Variants in PADI3 observed in about 807,000 individuals in gnomAD.
The protein encoded by PADI3 is peptidyl arginine deiminase 3, also known as protein-arginine deiminase type-3.
PADI3 carries 53 observed loss-of-function variants against 71.5 expected under a neutral mutation model. The observed-to-expected ratio is 0.74, with a 90% CI of 0.59 to 0.93. The LOEUF (loss-of-function observed/expected upper bound fraction) is 0.93, where lower values mean the gene tolerates loss of function less well. Among genes scored for constraint, PADI3 ranks in the 40% least tolerant of loss-of-function variants. The pLI is 0.00. For synonymous variants in PADI3, 361 were observed against 347.5 expected (o/e 1.04, Z -0.43); for missense variants, 821 against 868.0 (o/e 0.95, Z 0.68).
At chr1:17,282,579 A>G (rs1363658777) in intron 15 of PADI3, among the ~76,000 whole-genome samples, 1 of 152,192 alleles carries the variant, frequency 6.6e-6, no homozygotes, top group African/African-American at 2.4e-5. Context: ...CAGCACAAAC[A>G]TGGCAGCTGC....
At chr1:17,270,125 G>A in intron 6 of PADI3, 108 bp from the exon 7 acceptor site, 1 of 1,300,090 alleles carries the variant, frequency 7.7e-7, no homozygotes. Flanking sequence ...GGGAGTTGTT[G>A]GAGGACTTGG....
At chr1:17,266,889 C>A (rs958673702) in intron 5 of PADI3, 53 bp downstream of exon 5, 15 of 1,378,054 alleles carry the variant, frequency 1.1e-5, no homozygotes, top group Admixed American at 1.7e-5. Context: ...TGCTCAGTTA[C>A]CCCATGGGAG....
rs539218252 is a variant in PADI3, at chr1:17,259,485, C to T, written c.93-93C>T. On this transcript the variant is annotated intron_variant, in intron 1 of 15. Transcript: ENST00000375460. The stretch of plus-strand genomic sequence containing the variant: ...GAGGGGACTGGGTGGCCAAGGAAAG[C>T]TTCCTGGAGGAAGCAGGGCTTGAGC... 2.4e-5 allele frequency: 30 copies of T among 1,254,990 alleles called. 1 individual carries two copies. In the South Asian group the frequency reaches 4.0e-4, roughly 17 times the overall value. The allele number at this position is 1,254,990 out of a possible 1,614,324, so 77.7% of individuals were successfully genotyped here. A position where few individuals can be genotyped will look rare whatever the true frequency, so the allele number is the denominator to read the frequency against.
At position 17,280,815 on chromosome 1, in the gene PADI3, A is replaced by C. The variant is rs769557315; in HGVS notation, c.1761+19A>C. The C allele has an allele frequency of 6.2e-7, 1 of 1,612,248 alleles. No homozygotes were observed. The highest frequency in any genetic ancestry group is 8.5e-7 in the Non-Finnish European group (1 of 1,178,720). On this transcript the variant is annotated intron_variant, in intron 15 of 15. Coordinates refer to ENST00000375460, the MANE Select transcript of PADI3 (RefSeq NM_016233.2). ...TGACTTGGTGAGGGCACTACCCATG[A>C]CTCCTTTGCCAAATCAGGCTGCAAA...
At chr1:17,265,829 T>C (rs2272627) in intron 4 of PADI3, 109 bp downstream of exon 4, 154,249 of 958,672 alleles carry the variant, frequency 0.16, 13,275 homozygotes, top group African/African-American at 0.21. Context: ...TCCCAGCTGA[T>C]GCCGAGACCA....
intron 13 of PADI3, among the ~76,000 whole-genome samples, chr1:17,277,723 A>C (rs966444748): frequency 6.6e-6 from 1 of 152,314 alleles, no homozygotes; most frequent in Non-Finnish European, 1.5e-5. Context: ...GAGCCTGGGC[A>C]TGGGGAGGGC....
intron 13 of PADI3, among the ~76,000 whole-genome samples, chr1:17,277,479 G>A (rs2073350036): frequency 6.6e-6 from 1 of 152,240 alleles, no homozygotes; most frequent in African/African-American, 2.4e-5. Context: ...ACAGGCGTGA[G>A]CCACCACACC....
chr1:17,256,717 T>C (rs2073032471), intron 1 of PADI3, among the ~76,000 whole-genome samples: 2 of 152,216 alleles, frequency 1.3e-5, no homozygotes, highest in South Asian at 4.1e-4. Context: ...GGAACAGCTT[T>C]GGGGTTGAGG....
chr1:17,270,800 C>A, intron 7 of PADI3, 79 bp from the exon 8 acceptor site: 1 of 1,016,694 alleles, frequency 9.8e-7, no homozygotes, highest in South Asian at 1.3e-5. Context: ...TCTTATGGAC[C>A]ACAGTGGTGG....
At chr1:17,274,856 G>A in intron 11 of PADI3, 70 bp downstream of exon 11, 3 of 1,486,488 alleles carry the variant, frequency 2.0e-6, no homozygotes, top group Non-Finnish European at 2.8e-6. Context: ...TGATGGTGGA[G>A]CAGGGGCCAT....
rs368361494 is a variant in PADI3 at position 17,280,843 on chromosome 1, T to C, written c.1761+47T>C. 1.7e-5 allele frequency: 27 copies of C among 1,604,710 alleles called. 1 individual carries two copies. The South Asian group carries it at 2.1e-4, about 12-fold the overall frequency. On this transcript the variant is annotated intron_variant, in intron 15 of 15. Coordinates refer to ENST00000375460, the MANE Select transcript of PADI3 (RefSeq NM_016233.2). ...CCTTTGCCAAATCAGGCTGCAAACC[T>C]CTAAGCTCGAGAGAGGAAAAATGTC...
intron 1 of PADI3, among the ~76,000 whole-genome samples, chr1:17,252,192 C>A: frequency 6.6e-6 from 1 of 152,138 alleles, no homozygotes; most frequent in East Asian, 1.9e-4. Context: ...TGATTAACTC[C>A]TCCCTGCAAC....
chr1:17,256,360 G>T (rs140296271), intron 1 of PADI3, among the ~76,000 whole-genome samples: 2 of 152,340 alleles, frequency 1.3e-5, no homozygotes, highest in East Asian at 1.9e-4. Flanking sequence ...TCAGCTGGCC[G>T]ATGTGTGACC....
At chr1:17,280,539 G>A (rs1441408578) in intron 14 of PADI3, 110 bp downstream of exon 14, 94 of 1,511,150 alleles carry the variant, frequency 6.2e-5, no homozygotes, top group Non-Finnish European at 8.0e-5. Context: ...GCTCAGGTTA[G>A]AACAGGCCCA....
At position 17,283,339 on chromosome 1, in the gene PADI3, A is replaced by G. The variant is rs554770696; in HGVS notation, c.*260A>G. 1.3e-5 allele frequency: 6 copies of G among 460,802 alleles called. No individual in the cohort carries two copies. The highest frequency in any genetic ancestry group is 1.1e-4 in the Admixed American group (3 of 26,694). 28.5% of individuals were successfully genotyped at this position (460,802 alleles called of 1,614,324 possible). ...CTTATAGCCTCTCCTGTGATTCAACACAACCCATGGAGATGTCCCCTTCTC... is the reference window on the plus strand; with the variant it reads ...CTTATAGCCTCTCCTGTGATTCAACGCAACCCATGGAGATGTCCCCTTCTC... On this transcript the variant is annotated 3_prime_UTR_variant, in exon 16 of 16. Coordinates refer to ENST00000375460, the MANE Select transcript of PADI3 (RefSeq NM_016233.2).
chr1:17,283,159 A>T lies in PADI3; in HGVS notation c.*80A>T. On this transcript the variant is annotated 3_prime_UTR_variant, in exon 16 of 16. Coordinates refer to ENST00000375460, the MANE Select transcript of PADI3 (RefSeq NM_016233.2). Reference sequence around the variant, plus strand: ...GGAGACAGAGACAGGCCCCTGAACGATAAGCACCAAGAGACCCCAAGGCTC... The same window carrying T: ...GGAGACAGAGACAGGCCCCTGAACGTTAAGCACCAAGAGACCCCAAGGCTC... 1 of 1,097,348 alleles carries T rather than the reference A, an allele frequency of 9.1e-7. No individual in the cohort carries two copies. Among genetic ancestry groups the T allele is most frequent in the African/African-American group, 1.5e-5 (1 of 64,878 alleles). 68.0% of individuals were successfully genotyped at this position (1,097,348 alleles called of 1,614,324 possible). A position where few individuals can be genotyped will look rare whatever the true frequency, so the allele number is the denominator to read the frequency against.
intron 6 of PADI3, among the ~76,000 whole-genome samples, chr1:17,268,700 G>T (rs1432621402): frequency 8.6e-5 from 13 of 151,394 alleles, no homozygotes; most frequent in Admixed American, 8.6e-4. Context: ...GTAGAGACAG[G>T]GTTTCATTGT....
chr1:17,278,715 C>G (rs989963634), intron 13 of PADI3, among the ~76,000 whole-genome samples: 18 of 151,944 alleles, frequency 1.2e-4, no homozygotes, highest in African/African-American at 4.1e-4. Flanking sequence ...CCAGAGGTCC[C>G]AGGGCAAAGA....
chr1:17,250,721 C>T (rs930911932), intron 1 of PADI3, among the ~76,000 whole-genome samples: 27 of 152,198 alleles, frequency 1.8e-4, no homozygotes, highest in African/African-American at 6.5e-4. Flanking sequence ...CTTGGCACCA[C>T]TGCCTGCCTG....
Sources: gnomAD v4.1 joint callset for allele counts (sites outside exome capture counted in the v4.1 genomes callset) on GRCh38, gnomAD v4.1.1 for gene constraint, MANE v1.5 for transcripts, NCBI Gene and HGNC (gene_info 2026-07-23, HGNC 2026-07-21) for gene names.